The following LBP variants were observed in gnomAD, a reference collection of about 807,000 sequenced individuals.
The protein encoded by LBP is lipopolysaccharide-binding protein.
LBP carries 53 observed loss-of-function variants against 56.6 expected under a neutral mutation model. The ratio of observed to expected loss-of-function variants is 0.94; its 90% CI spans 0.75 to 1.18. LBP has a LOEUF of 1.18. Among genes scored for constraint, LBP ranks in the 50% most tolerant of loss-of-function variants. LBP has a pLI of 0.00. For missense variants in LBP, 601 were observed against 598.3 expected, an observed-to-expected ratio of 1.00 and a Z score of -0.05; for synonymous variants, 227 against 247.5, an observed-to-expected ratio of 0.92 and a Z score of 0.78.
intron 6 of LBP, 23 bp downstream of exon 6, chr20:38,360,790 G>A: frequency 6.4e-7 from 1 of 1,566,090 alleles, no homozygotes; most frequent in Non-Finnish European, 8.8e-7. Context: ...ATCCATCCCG[G>A]GACACTTTTA....
chr20:38,370,823 C>T lies in LBP; in HGVS notation c.1217+18C>T. On this transcript the variant is annotated intron_variant, in intron 11 of 14. Coordinates refer to ENST00000217407, the MANE Select transcript of LBP (RefSeq NM_004139.5). ...CCAGGAAAGTAAGTTGGCCTCCTAC[C>T]TACATGGGGGTGCCCAGCTGGACTC... is the stretch of plus-strand genomic sequence containing the variant. 1 of 1,605,048 alleles carries T rather than the reference C, an allele frequency of 6.2e-7. No homozygotes were observed. Among genetic ancestry groups the T allele is most frequent in the Non-Finnish European group, 8.5e-7 (1 of 1,171,720 alleles).
chr20:38,350,528 A>C (rs568055772), intron 2 of LBP, among the ~76,000 whole-genome samples: 1 of 152,198 alleles, frequency 6.6e-6, no homozygotes, highest in Non-Finnish European at 1.5e-5. Flanking sequence ...TCTGATGCAG[A>C]CTGCAAAACC....
rs2232584 is a variant in LBP, at chr20:38,350,967, G to A, written c.368+28G>A. 7.8e-4 allele frequency: 1,259 copies of A among 1,608,990 alleles called. 8 individuals carry two copies. The African/African-American group carries it at 0.015, about 19-fold the overall frequency. On this transcript the variant is annotated intron_variant, in intron 3 of 14. Transcript: ENST00000217407. ...AAGTTGGCTCTGCTCCCAGGCCCTG[G>A]AGCTCTTGGCCTTGGCCTTCGCCCC...
Position 38,354,382 on chromosome 20 carries a change from C to T in LBP, c.467C>T (p.Ala156Val), listed in dbSNP as rs754642971. 35 of 1,613,582 alleles carry T rather than the reference C, an allele frequency of 2.2e-5. 1 individual carries two copies. The South Asian group carries it at 3.7e-4, about 17-fold the overall frequency. Residue 156 changes from alanine to valine, a missense_variant, in exon 4 of 15, where the codon GCC (alanine) becomes GTC (valine). Ala to Val is a moderately conservative substitution (Grantham distance 64). Transcript: ENST00000217407. ...TCCTCCGGGAGGCCCACAGTTACTG[C>T]CTCCAGCTGCAGCAGTGACATCGCT... Reference protein sequence around the residue: ...SESSGRPTVTASSCSSDIADV... With the variant: ...SESSGRPTVTVSSCSSDIADV...
At chr20:38,357,724 AC>A (rs2076846289) in intron 5 of LBP, among the ~76,000 whole-genome samples, 1 of 152,176 alleles carries the variant, frequency 6.6e-6, no homozygotes, top group African/African-American at 2.4e-5. Flanking sequence ...AGTCGCGTAT[AC>A]TTGTGGTTAT....
intron 10 of LBP, 35 bp from the exon 11 acceptor site, chr20:38,370,703 C>T (rs759447131): frequency 6.3e-7 from 1 of 1,584,364 alleles, no homozygotes; most frequent in East Asian, 2.2e-5. Context: ...CAACCTTCAT[C>T]ACTTACACCT....
intron 14 of LBP, among the ~76,000 whole-genome samples, chr20:38,375,791 G>A (rs1292176581): frequency 2.0e-5 from 3 of 152,148 alleles, no homozygotes. Context: ...GGGGGATGCT[G>A]CGCTGTGCCT....
In LBP at chr20:38,355,466, C is replaced by T. The variant is rs142021628; in HGVS notation, c.588+57C>T. The T allele has an allele frequency of 1.9e-5, 28 of 1,458,550 alleles. No individual in the cohort carries two copies. The African/African-American group carries it at 3.6e-4, about 19-fold the overall frequency. 90.4% of individuals were successfully genotyped at this position (1,458,550 alleles called of 1,614,324 possible). A position where few individuals can be genotyped will look rare whatever the true frequency, so the allele number is the denominator to read the frequency against. On this transcript the variant is annotated intron_variant, in intron 5 of 14. Transcript: ENST00000217407. ...AGCTTGGCGAGGGCTGAATGGAAGA[C>T]CTCACTGACCAATGGCCCTGGACCA...
chr20:38,365,712 AAAAAAATATATAT>A (rs1435771632), intron 8 of LBP, among the ~76,000 whole-genome samples: 8 of 35,668 alleles, frequency 2.2e-4, no homozygotes, highest in South Asian at 1.9e-3. Flanking sequence ...AAAAAAAAAA[AAAAAAATATATAT>A]ATATATATAT....
At position 38,360,756 on chromosome 20, in the gene LBP, A is replaced by G. The variant is rs138894985; in HGVS notation, c.641A>G (p.Gln214Arg). Residue 214 changes from glutamine (Q) to arginine (R), a missense_variant, in exon 6 of 15, where the codon CAA becomes CGA. By Grantham distance (43) the Gln-to-Arg change is conservative. Coordinates refer to ENST00000217407, the MANE Select transcript of LBP (RefSeq NM_004139.5). ...SVSSDLQPYL[Q>R]TLPVTTEIDS... Reference sequence around the variant, plus strand: ...TCCTCCGATCTACAGCCTTATCTCCAAACTCTGCCAGGTAGGACACCCCAT... The same window carrying G: ...TCCTCCGATCTACAGCCTTATCTCCGAACTCTGCCAGGTAGGACACCCCAT... 2.7e-3 allele frequency: 4,359 copies of G among 1,611,758 alleles called. 9 individuals are homozygous for G. The highest frequency in any genetic ancestry group is 3.3e-3 in the Non-Finnish European group (3,853 of 1,177,930).
chr20:38,368,965 C>T (rs775119919), intron 9 of LBP, 30 bp from the exon 10 acceptor site: 34 of 1,609,624 alleles, frequency 2.1e-5, no homozygotes, highest in Non-Finnish European at 2.9e-5. Context: ...ATTTTCTTCT[C>T]TTGATGTAAT....
intron 14 of LBP, 83 bp from the exon 15 acceptor site, chr20:38,376,542 C>A: frequency 7.9e-7 from 1 of 1,259,496 alleles, no homozygotes; most frequent in Non-Finnish European, 1.2e-6. Flanking sequence ...TTTCGTGAGA[C>A]GTGGGCTCCC....
intron 3 of LBP, among the ~76,000 whole-genome samples, chr20:38,351,209 G>T (rs2076819342): frequency 6.6e-6 from 1 of 152,204 alleles, no homozygotes; most frequent in East Asian, 1.9e-4. Flanking sequence ...ATGTCTCCTT[G>T]GTTTGCTTCC....
At position 38,374,013 on chromosome 20, in the gene LBP, G is replaced by A; in HGVS notation, c.1401G>A (p.Lys467=). The A allele has an allele frequency of 6.2e-7, 1 of 1,614,030 alleles. No individual in the cohort carries two copies. The highest frequency in any genetic ancestry group is 2.2e-5 in the East Asian group (1 of 44,876). ...QLYDLGLQIH[K]DFLFLGANVQ... The stretch of plus-strand genomic sequence containing the variant: ...ACGACCTTGGGCTGCAGATCCATAA[G>A]GTCGGTGGGTTCAGGGGGGCTCTGA... Residue 467 remains lysine, a splice_region_variant and synonymous_variant, in exon 14 of 15, where the codon AAG becomes AAA. Coordinates refer to ENST00000217407, the MANE Select transcript of LBP (RefSeq NM_004139.5).
intron 13 of LBP, 35 bp downstream of exon 13, chr20:38,373,170 TGAACA>T: frequency 6.5e-7 from 1 of 1,542,914 alleles, no homozygotes; most frequent in African/African-American, 1.4e-5. Flanking sequence ...AAGTCAAAAG[TGAACA>T]CTGCTGTCTG....
chr20:38,369,822 C>G (rs1038239284), intron 10 of LBP, among the ~76,000 whole-genome samples: 2 of 152,140 alleles, frequency 1.3e-5, no homozygotes, highest in Non-Finnish European at 2.9e-5. Context: ...TAACCAATTC[C>G]CCGTATTAAA....
In LBP at chr20:38,374,017, G is replaced by T. The variant is rs747306272; in HGVS notation, c.1401+4G>T. The T allele has an allele frequency of 7.4e-6, 12 of 1,613,726 alleles. No individual in the cohort carries two copies. The highest frequency in any genetic ancestry group is 1.0e-5 in the Non-Finnish European group (12 of 1,179,822). On this transcript the variant is annotated splice_donor_region_variant and intron_variant, in intron 14 of 14. Transcript: ENST00000217407. Reference sequence around the variant, plus strand: ...CCTTGGGCTGCAGATCCATAAGGTCGGTGGGTTCAGGGGGGCTCTGAGGAT... The same window carrying T: ...CCTTGGGCTGCAGATCCATAAGGTCTGTGGGTTCAGGGGGGCTCTGAGGAT...
intron 5 of LBP, 121 bp from the exon 6 acceptor site, chr20:38,360,583 A>C: frequency 3.0e-6 from 2 of 675,852 alleles, no homozygotes; most frequent in Admixed American, 4.4e-5. Context: ...AAGCACTTAT[A>C]AATATTTGTA....
chr20:38,352,874 G>A (rs1403679076), intron 3 of LBP, among the ~76,000 whole-genome samples: 1 of 151,816 alleles, frequency 6.6e-6, no homozygotes, highest in Non-Finnish European at 1.5e-5. Context: ...TTGATTACAT[G>A]TTGAAATCAT....
Sources: gnomAD v4.1 joint callset for allele counts (sites outside exome capture counted in the v4.1 genomes callset) on GRCh38, gnomAD v4.1.1 for gene constraint, MANE v1.5 for transcripts, NCBI Gene and HGNC (gene_info 2026-07-23, HGNC 2026-07-21) for gene names.